Variants in NTRK3 observed in about 807,000 individuals in gnomAD.
The protein encoded by NTRK3 is neurotrophic receptor tyrosine kinase 3, also known as NT-3 growth factor receptor.
A neutral mutation model predicts 91.7 loss-of-function variants in NTRK3; 24 were observed. The observed-to-expected ratio is 0.26, with a 90% CI of 0.19 to 0.37. The LOEUF (loss-of-function observed/expected upper bound fraction) is 0.37, where lower values mean the gene tolerates loss of function less well. Among genes scored for constraint, NTRK3 ranks in the 10% least tolerant of loss-of-function variants. The probability of loss-of-function intolerance (pLI) is 1.00; values close to 1 mark genes in which losing one functional copy is unlikely to be tolerated. For synonymous variants in NTRK3, 483 were observed against 404.0 expected (o/e 1.20, Z -2.34); for missense variants, 880 against 1,068.9 (o/e 0.82, Z 2.46).
rs142540715 is a variant in NTRK3 at position 88,106,694 on chromosome 15, G to A, written c.1396+19577C>T. Among the ~76,000 whole-genome samples, 12 of 151,330 alleles carry A rather than the reference G, an allele frequency of 7.9e-5. No individual in the cohort carries two copies. The East Asian group carries it at 1.9e-3, about 24-fold the overall frequency. Reference sequence around the variant, plus strand: ...TGCCTGTAATCCCAGCACTTTGGGAGGCCAAGGGGGAACGGATCATGAGGT... The same window carrying A: ...TGCCTGTAATCCCAGCACTTTGGGAAGCCAAGGGGGAACGGATCATGAGGT... On this transcript the variant is annotated intron_variant, in intron 13 of 18. Coordinates refer to ENST00000394480, the Ensembl canonical transcript of NTRK3.
chr15:88,242,030 T>C (rs550502275), intron 3 of NTRK3, among the ~76,000 whole-genome samples: 6 of 152,190 alleles, frequency 3.9e-5, no homozygotes, highest in Admixed American at 6.5e-5. Flanking sequence ...TAAACCCACG[T>C]TGGATAAATG....
chr15:87,974,441 G>A (rs570521208), intron 14 of NTRK3, among the ~76,000 whole-genome samples: 1 of 151,866 alleles, frequency 6.6e-6, no homozygotes, highest in Non-Finnish European at 1.5e-5. Context: ...CTACCTTCCT[G>A]TCTGAAGCTG....
intron 14 of NTRK3, among the ~76,000 whole-genome samples, chr15:88,029,929 A>T (rs2078377067): frequency 6.6e-6 from 1 of 152,200 alleles, no homozygotes; most frequent in South Asian, 2.1e-4. Context: ...TGTCTGTGTG[A>T]GTCACCAAAG....
chr15:88,074,376 ACTT>A (rs1264584901), intron 13 of NTRK3, among the ~76,000 whole-genome samples: 17 of 152,286 alleles, frequency 1.1e-4, no homozygotes, highest in African/African-American at 2.2e-4. Flanking sequence ...AAATGTGGCT[ACTT>A]CTTCTGAGAA....
chr15:87,964,279 G>A (rs1219056184), intron 14 of NTRK3, among the ~76,000 whole-genome samples: 1 of 151,820 alleles, frequency 6.6e-6, no homozygotes, highest in Non-Finnish European at 1.5e-5. Context: ...AAAGGGGAGT[G>A]CTCTCATTTT....
At chr15:88,006,797 T>G (rs979159774) in intron 14 of NTRK3, among the ~76,000 whole-genome samples, 4 of 152,146 alleles carry the variant, frequency 2.6e-5, no homozygotes, top group Non-Finnish European at 4.4e-5. Context: ...AATGCACACA[T>G]GACATACAGA....
intron 9 of NTRK3, 152 bp downstream of exon 9, chr15:88,135,747 T>A: frequency 9.5e-7 from 1 of 1,056,332 alleles, no homozygotes; most frequent in East Asian, 2.6e-5. Flanking sequence ...AAGGACTTAC[T>A]TCTCAGTCCT....
At chr15:88,153,394 C>T (rs2043579262) in intron 5 of NTRK3, among the ~76,000 whole-genome samples, 1 of 152,040 alleles carries the variant, frequency 6.6e-6, no homozygotes, top group African/African-American at 2.4e-5. Context: ...AGGCATGTGC[C>T]ACCACTCCCA....
chr15:87,988,449 T>G (rs2075024464), intron 14 of NTRK3, among the ~76,000 whole-genome samples: 1 of 152,208 alleles, frequency 6.6e-6, no homozygotes, highest in African/African-American at 2.4e-5. Context: ...GTACCTACAC[T>G]CATTTCTTAC....
At chr15:88,144,747 G>C (rs2042726833) in intron 6 of NTRK3, among the ~76,000 whole-genome samples, 1 of 152,126 alleles carries the variant, frequency 6.6e-6, no homozygotes, top group Admixed American at 6.5e-5. Context: ...CCAAGGATAA[G>C]ACAGAACCTC....
At chr15:87,953,600 C>G (rs890738125) in intron 14 of NTRK3, among the ~76,000 whole-genome samples, 3 of 152,168 alleles carry the variant, frequency 2.0e-5, no homozygotes, top group Admixed American at 1.3e-4. Flanking sequence ...ATGGCCACCT[C>G]TTATTGATAG....
chr15:87,989,343 T>G (rs2075100125), intron 14 of NTRK3, among the ~76,000 whole-genome samples: 1 of 152,188 alleles, frequency 6.6e-6, no homozygotes, highest in Non-Finnish European at 1.5e-5. Context: ...ATGTGTTCAT[T>G]TCCTTTGCAG....
intron 17 of NTRK3, among the ~76,000 whole-genome samples, chr15:87,919,884 C>T (rs1221981064): frequency 1.3e-5 from 2 of 152,176 alleles, no homozygotes; most frequent in African/African-American, 4.8e-5. Flanking sequence ...GTCAAAGCAA[C>T]AGTACAGACT....
At chr15:87,954,060 ATGC>A (rs2141140021) in intron 14 of NTRK3, among the ~76,000 whole-genome samples, 1 of 58,862 alleles carries the variant, frequency 1.7e-5, no homozygotes, top group Non-Finnish European at 3.8e-5. Flanking sequence ...GTGTGTGTGT[ATGC>A]TTTTTTTCTC....
At chr15:88,110,052 A>G (rs978950887) in intron 13 of NTRK3, among the ~76,000 whole-genome samples, 1 of 152,156 alleles carries the variant, frequency 6.6e-6, no homozygotes, top group African/African-American at 2.4e-5. Flanking sequence ...AGAATGGTCC[A>G]TAAGTCACCT....
Position 88,235,816 on chromosome 15 carries a change from C to T in NTRK3, c.248+20090G>A, listed in dbSNP as rs1049666114. ...GCTGTGCACCACAACAGGAACCCCCCTGGGGCTTTGAGTCAAACAGGATCC... is the reference window on the plus strand; with the variant it reads ...GCTGTGCACCACAACAGGAACCCCCTTGGGGCTTTGAGTCAAACAGGATCC... On this transcript the variant is annotated intron_variant, in intron 3 of 18. Coordinates refer to ENST00000394480, the Ensembl canonical transcript of NTRK3. The surrounding 1 kb of genome is among the most constrained non-coding windows in gnomAD (Gnocchi z 5.2). Among the ~76,000 whole-genome samples, 4 of 152,368 alleles carry T rather than the reference C, an allele frequency of 2.6e-5. No individual in the cohort carries two copies. Among genetic ancestry groups the T allele is most frequent in the Non-Finnish European group, 4.4e-5 (3 of 68,040 alleles).
chr15:87,981,177 A>G (rs1180056473), intron 14 of NTRK3: 2 of 1,552,326 alleles, frequency 1.3e-6, no homozygotes, highest in Non-Finnish European at 1.7e-6. Context: ...AAAATTGGTT[A>G]GGGGAGGGAT....
intron 3 of NTRK3, among the ~76,000 whole-genome samples, chr15:88,229,570 C>G (rs2050991865): frequency 6.6e-6 from 1 of 152,152 alleles, no homozygotes; most frequent in East Asian, 1.9e-4. Flanking sequence ...AGTCTGTCAC[C>G]AGAAGGGATC....
chr15:88,102,301 T>A (rs1046232154), intron 13 of NTRK3, among the ~76,000 whole-genome samples: 2 of 152,226 alleles, frequency 1.3e-5, no homozygotes, highest in Admixed American at 1.3e-4. Flanking sequence ...ATTAAGCATA[T>A]TTTTGGTATA....
Sources: allele counts gnomAD v4.1 joint callset (sites outside exome capture counted in the v4.1 genomes callset), GRCh38; gene constraint gnomAD v4.1.1; non-coding constraint Gnocchi (gnomAD v3.1); transcripts MANE v1.5; gene names NCBI Gene and HGNC (gene_info 2026-07-23, HGNC 2026-07-21).